ENOX1: variants seen among roughly 807,000 people sequenced by gnomAD.
ENOX1 encodes ecto-NOX disulfide-thiol exchanger 1, also known as candidate growth-related and time keeping constitutive hydroquinone (NADH) oxidase.
In ENOX1, 42 loss-of-function variants were observed where a neutral mutation model predicts 82.5. That is an observed-to-expected ratio of 0.51 (90% CI 0.40 to 0.66). The LOEUF (loss-of-function observed/expected upper bound fraction) is 0.66, where lower values mean the gene tolerates loss of function less well. Among genes scored for constraint, ENOX1 ranks in the 30% least tolerant of loss-of-function variants. The pLI is 0.00. For missense variants in ENOX1, 608 were observed against 811.6 expected, an observed-to-expected ratio of 0.75 and a Z score of 3.05; for synonymous variants, 271 against 282.2, an observed-to-expected ratio of 0.96 and a Z score of 0.40.
At chr13:43,456,058 T>C (rs561500035) in intron 3 of ENOX1, among the ~76,000 whole-genome samples, 4 of 152,324 alleles carry the variant, frequency 2.6e-5, no homozygotes, top group African/African-American at 9.6e-5. Flanking sequence ...TATATTCTTC[T>C]ATAAGTTTAA....
chr13:43,483,251 TC>T (rs2058575604), intron 3 of ENOX1, among the ~76,000 whole-genome samples: 1 of 152,234 alleles, frequency 6.6e-6, no homozygotes, highest in Non-Finnish European at 1.5e-5. Flanking sequence ...ATATCCTGTT[TC>T]CTTTTCCAGC....
chr13:43,717,954 C>T (rs1594549191), intron 1 of ENOX1, among the ~76,000 whole-genome samples: 1 of 152,180 alleles, frequency 6.6e-6, no homozygotes, highest in Admixed American at 6.5e-5. Context: ...CTAGTTCAGT[C>T]ACTGTGGAAA....
chr13:43,466,153 T>C (rs1424880919), intron 3 of ENOX1, among the ~76,000 whole-genome samples: 1 of 118,734 alleles, frequency 8.4e-6, no homozygotes, highest in Middle Eastern at 4.3e-3. Flanking sequence ...TCTCTACATA[T>C]ATTGTCTATT....
chr13:43,579,372 T>C (rs1338718532), intron 2 of ENOX1, among the ~76,000 whole-genome samples: 1 of 152,178 alleles, frequency 6.6e-6, no homozygotes, highest in Non-Finnish European at 1.5e-5. Flanking sequence ...CCAATTACAT[T>C]AGATAACTTT....
chr13:43,589,013 T>C (rs912375297), intron 2 of ENOX1, among the ~76,000 whole-genome samples: 3 of 151,842 alleles, frequency 2.0e-5, no homozygotes, highest in Non-Finnish European at 4.4e-5. Context: ...TCAGGAAAGC[T>C]CTCCTTTCAT....
intron 15 of ENOX1, among the ~76,000 whole-genome samples, chr13:43,229,382 C>T (rs1437557046): frequency 1.3e-5 from 2 of 152,076 alleles, no homozygotes; most frequent in Non-Finnish European, 2.9e-5. Flanking sequence ...ATGGAAAGCC[C>T]GGGGGAGACC....
intron 1 of ENOX1, among the ~76,000 whole-genome samples, chr13:43,774,454 C>T (rs1359270558): frequency 6.6e-6 from 1 of 150,788 alleles, no homozygotes; most frequent in African/African-American, 2.5e-5. Flanking sequence ...AACTGCTCTT[C>T]AGTGATTATA....
chr13:43,234,260 C>T (rs1274547927), intron 15 of ENOX1, among the ~76,000 whole-genome samples: 9 of 152,028 alleles, frequency 5.9e-5, no homozygotes, highest in Admixed American at 5.9e-4. Flanking sequence ...GGAGGATTAT[C>T]CTCTTTTGGA....
At chr13:43,253,288 C>T (rs1208861510) in intron 14 of ENOX1, among the ~76,000 whole-genome samples, 1 of 152,192 alleles carries the variant, frequency 6.6e-6, no homozygotes, top group Admixed American at 6.5e-5. Flanking sequence ...CCTTTCTTCC[C>T]TTTTTTCTTC....
At chr13:43,625,719 T>C (rs2082934812) in intron 2 of ENOX1, among the ~76,000 whole-genome samples, 2 of 143,242 alleles carry the variant, frequency 1.4e-5, no homozygotes, top group Admixed American at 1.5e-4. Context: ...AACAATTCTT[T>C]TATATACTGC....
chr13:43,704,707 A>G (rs1405705772), intron 1 of ENOX1, among the ~76,000 whole-genome samples: 1 of 152,182 alleles, frequency 6.6e-6, no homozygotes, highest in African/African-American at 2.4e-5. Flanking sequence ...CTTAAATTGT[A>G]CGTACATGCA....
At chr13:43,451,213 T>G (rs569745746) in intron 3 of ENOX1, among the ~76,000 whole-genome samples, 1 of 152,326 alleles carries the variant, frequency 6.6e-6, no homozygotes, top group Admixed American at 6.5e-5. Flanking sequence ...GCACTGAATA[T>G]ATATACTTGG....
At chr13:43,215,802 C>G (rs976324770) in intron 16 of ENOX1, among the ~76,000 whole-genome samples, 1 of 152,238 alleles carries the variant, frequency 6.6e-6, no homozygotes, top group East Asian at 1.9e-4. Flanking sequence ...CCAGCCTCTT[C>G]TCTGGAGATC....
intron 9 of ENOX1, among the ~76,000 whole-genome samples, chr13:43,333,757 G>T (rs1168088753): frequency 6.6e-6 from 1 of 152,194 alleles, no homozygotes; most frequent in African/African-American, 2.4e-5. Context: ...CGAGTAGCTG[G>T]TATTACAGGT....
At chr13:43,731,242 T>G (rs1239382270) in intron 1 of ENOX1, among the ~76,000 whole-genome samples, 33 of 152,196 alleles carry the variant, frequency 2.2e-4, no homozygotes, top group Admixed American at 2.2e-3. Flanking sequence ...TAATTTAAAC[T>G]TCACTAATTT....
At chr13:43,529,083 G>A (rs2078101006) in intron 2 of ENOX1, among the ~76,000 whole-genome samples, 1 of 151,886 alleles carries the variant, frequency 6.6e-6, no homozygotes, top group South Asian at 2.1e-4. Context: ...TAGAAACCGT[G>A]TTACAGTAGC....
At chr13:43,633,256 T>C (rs1403400049) in intron 2 of ENOX1, among the ~76,000 whole-genome samples, 1 of 152,210 alleles carries the variant, frequency 6.6e-6, no homozygotes, top group Non-Finnish European at 1.5e-5. Flanking sequence ...AATGTTGATA[T>C]AAATATGGGT....
chr13:43,494,158 G>A (rs1011736651), intron 2 of ENOX1, among the ~76,000 whole-genome samples: 1 of 151,966 alleles, frequency 6.6e-6, no homozygotes, highest in Non-Finnish European at 1.5e-5. Context: ...TGAGATTTTG[G>A]GTGGGGACAC....
chr13:43,608,666 A>G (rs1172063122), intron 2 of ENOX1, among the ~76,000 whole-genome samples: 2 of 152,276 alleles, frequency 1.3e-5, no homozygotes, highest in African/African-American at 4.8e-5. Flanking sequence ...GGGGCTGGAT[A>G]GATAACAGAT....
Sources: gnomAD v4.1 joint callset for allele counts (sites outside exome capture counted in the v4.1 genomes callset) on GRCh38, gnomAD v4.1.1 for gene constraint, MANE v1.5 for transcripts, NCBI Gene and HGNC (gene_info 2026-07-23, HGNC 2026-07-21) for gene names.